The following GAS7 variants were observed in gnomAD, a reference collection of about 807,000 sequenced individuals.
GAS7 encodes growth arrest-specific protein 7.
In GAS7, 28 loss-of-function variants were observed where a neutral mutation model predicts 71.1. The ratio of observed to expected loss-of-function variants is 0.39; its 90% CI spans 0.29 to 0.54. GAS7 has a LOEUF of 0.54. GAS7 is among the 20% of genes least tolerant of loss of function. GAS7 has a pLI of 0.62. For synonymous variants in GAS7, 258 were observed against 245.8 expected, an observed-to-expected ratio of 1.05 and a Z score of -0.46; for missense variants, 436 against 627.8, an observed-to-expected ratio of 0.69 and a Z score of 3.27.
intron 1 of GAS7, among the ~76,000 whole-genome samples, chr17:10,072,487 G>A (rs1362382111): frequency 6.6e-6 from 1 of 152,172 alleles, no homozygotes; most frequent in African/African-American, 2.4e-5. Context: ...CAAAGCTCCT[G>A]AAGGCCAAGA....
At chr17:10,162,479 T>G (rs1234285769) in intron 1 of GAS7, among the ~76,000 whole-genome samples, 1 of 152,220 alleles carries the variant, frequency 6.6e-6, no homozygotes, top group Admixed American at 6.5e-5. Flanking sequence ...GGGGAGCTTG[T>G]ATCTTTTGAT....
intron 1 of GAS7, among the ~76,000 whole-genome samples, chr17:10,115,394 AGGGTGGG>A (rs1049016007): frequency 2.0e-5 from 3 of 152,168 alleles, no homozygotes; most frequent in African/African-American, 7.2e-5. Flanking sequence ...AGTCTGAAGG[AGGGTGGG>A]GGGCAAAGTG....
At chr17:9,994,314 T>A (rs1244297377) in intron 2 of GAS7, among the ~76,000 whole-genome samples, 1 of 149,336 alleles carries the variant, frequency 6.7e-6, no homozygotes, top group South Asian at 2.1e-4. Context: ...AACAGCATGG[T>A]ACTGGTACCA....
At chr17:10,172,192 G>A (rs1271214461) in intron 1 of GAS7, among the ~76,000 whole-genome samples, 1 of 152,160 alleles carries the variant, frequency 6.6e-6, no homozygotes, top group Non-Finnish European at 1.5e-5. Flanking sequence ...AAAGCTATGT[G>A]TAAAAGAAGT....
rs190772166 is a variant in GAS7 at position 9,913,660 on chromosome 17, G to A, written c.*3568C>T. 1.1e-4 allele frequency: 25 copies of A among 231,026 alleles called. No individual in the cohort carries two copies. The highest frequency in any genetic ancestry group is 5.1e-4 in the African/African-American group (23 of 45,290). The allele number at this position is 231,026 out of a possible 1,614,324, so 14.3% of individuals were successfully genotyped here. A position where few individuals can be genotyped will look rare whatever the true frequency, so the allele number is the denominator to read the frequency against. On this transcript the variant is annotated 3_prime_UTR_variant, in exon 14 of 14. Transcript: ENST00000432992. ...GCCAACAGGGTGCTGAGTGGAGGTA[G>A]AAAGGAGGCCCAGGGTGGTCCCACT...
intron 1 of GAS7, among the ~76,000 whole-genome samples, chr17:10,039,419 C>T (rs569542884): frequency 7.9e-5 from 12 of 152,146 alleles, no homozygotes; most frequent in African/African-American, 1.9e-4. Context: ...CGGTGGCTCA[C>T]GTCTGTAATC....
chr17:10,168,291 A>G (rs34748879), intron 1 of GAS7, among the ~76,000 whole-genome samples: 15,034 of 152,254 alleles, frequency 0.099, 853 homozygotes, highest in Non-Finnish European at 0.12. Flanking sequence ...TGAGAAAAAA[A>G]AGAAGTTAAG....
intron 1 of GAS7, among the ~76,000 whole-genome samples, chr17:10,071,234 C>T (rs926433963): frequency 3.9e-5 from 6 of 152,176 alleles, no homozygotes; most frequent in East Asian, 3.9e-4. Flanking sequence ...GTTTGAGTCC[C>T]GACTCCACCA....
At chr17:10,031,366 A>G in intron 1 of GAS7, among the ~76,000 whole-genome samples, 1 of 152,246 alleles carries the variant, frequency 6.6e-6, no homozygotes, top group East Asian at 1.9e-4. Flanking sequence ...GCAAGGATAC[A>G]GGAAGTTCAC....
intron 2 of GAS7, among the ~76,000 whole-genome samples, chr17:10,005,074 C>T (rs895858374): frequency 2.2e-5 from 3 of 133,412 alleles, no homozygotes; most frequent in Admixed American, 7.3e-5. Context: ...TGTATGCACG[C>T]ATACATGCGT....
At chr17:10,025,243 A>AAATT (rs908322719) in intron 1 of GAS7, among the ~76,000 whole-genome samples, 6 of 151,978 alleles carry the variant, frequency 3.9e-5, no homozygotes, top group East Asian at 1.9e-4. Context: ...TCTCTACACA[A>AAATT]AATTAATTAA....
chr17:9,952,688 C>T (rs34585769), intron 5 of GAS7, among the ~76,000 whole-genome samples: 3 of 152,062 alleles, frequency 2.0e-5, no homozygotes, highest in Admixed American at 6.6e-5. Flanking sequence ...TCACCGCGCC[C>T]GGCCCAGACA....
Position 9,959,500 on chromosome 17 carries a change from C to A in GAS7, c.472-245G>T. Reference sequence around the variant, plus strand: ...TGCACAGGCTCTGAGAGAACTGCTCCAAACCAGGTCTCCCCTCCTCTTCTC... The same window carrying A: ...TGCACAGGCTCTGAGAGAACTGCTCAAAACCAGGTCTCCCCTCCTCTTCTC... On this transcript the variant is annotated intron_variant, in intron 4 of 13. Transcript: ENST00000432992. The surrounding 1 kb of genome is among the most constrained non-coding windows in gnomAD (Gnocchi z 5.0). The A allele has an allele frequency of 7.5e-7, 1 of 1,342,238 alleles. No individual in the cohort carries two copies. Among genetic ancestry groups the A allele is most frequent in the Non-Finnish European group, 9.7e-7 (1 of 1,035,348 alleles). The allele number at this position is 1,342,238 out of a possible 1,614,324, so 83.1% of individuals were successfully genotyped here.
chr17:10,010,249 A>C (rs146587146), intron 2 of GAS7, among the ~76,000 whole-genome samples: 1,540 of 151,644 alleles, frequency 0.01, 19 homozygotes, highest in African/African-American at 0.031. Context: ...TCCTGGGTTC[A>C]CGCCATTCTC....
intron 2 of GAS7, among the ~76,000 whole-genome samples, chr17:9,986,768 A>T (rs9899487): frequency 1.3e-5 from 2 of 152,132 alleles, no homozygotes; most frequent in East Asian, 3.9e-4. Context: ...AATGGGCCCC[A>T]TCAGGGACGA....
At position 9,926,661 on chromosome 17, in the gene GAS7, G is replaced by A. The variant is rs745653138; in HGVS notation, c.994C>T (p.Arg332Cys). 12 of 1,613,614 alleles carry A rather than the reference G, an allele frequency of 7.4e-6. No individual in the cohort carries two copies. The highest frequency in any genetic ancestry group is 5.3e-5 in the African/African-American group (4 of 74,942). The change falls in exon 10 of 14, where the codon CGC (arginine) becomes TGC (cysteine). Residue 332 changes from arginine (R) to cysteine (C), a missense_variant. Arg to Cys is a radical substitution (Grantham distance 180). Coordinates refer to ENST00000432992, the MANE Select transcript of GAS7 (RefSeq NM_201433.2). The surrounding 1 kb of genome is among the most constrained non-coding windows in gnomAD (Gnocchi z 5.0). ...CTCACCTTCTCCACCGAGGCATAGC[G>A]GCTGGCGAGCTGCTTGCGAAGGTCG... ...IADLRKQLASRYASVEKARKA... is the reference protein window; with the variant it reads ...IADLRKQLASCYASVEKARKA...
rs539121612 is a variant in GAS7, at chr17:9,911,181, C to T, written c.*6047G>A. On this transcript the variant is annotated 3_prime_UTR_variant, in exon 14 of 14. Transcript: ENST00000432992. This position sits in a 1 kb window ranked among gnomAD's most constrained non-coding sequence, Gnocchi z 4.0. ...GCCTGGAACCCACGACTCCCGAGAGCCCGTCTGCTGCAGGTGATGCTGGAA... is the reference window on the plus strand; with the variant it reads ...GCCTGGAACCCACGACTCCCGAGAGTCCGTCTGCTGCAGGTGATGCTGGAA... The T allele has an allele frequency of 5.1e-5, 12 of 233,324 alleles. No homozygotes were observed. Among genetic ancestry groups the T allele is most frequent in the East Asian group, 2.4e-4 (4 of 16,578 alleles). 14.5% of individuals were successfully genotyped at this position (233,324 alleles called of 1,614,324 possible).
chr17:10,167,079 C>G (rs1184075555), intron 1 of GAS7, among the ~76,000 whole-genome samples: 8 of 56,988 alleles, frequency 1.4e-4, no homozygotes, highest in African/African-American at 6.9e-4. Context: ...TTTTTTGAGA[C>G]AGAGTTTCAC....
At chr17:10,013,980 G>A (rs532229720) in intron 2 of GAS7, among the ~76,000 whole-genome samples, 24 of 152,176 alleles carry the variant, frequency 1.6e-4, no homozygotes, top group East Asian at 1.5e-3. Context: ...TGGTCACTGC[G>A]CAACAGTGGC....
Sources: allele counts gnomAD v4.1 joint callset (sites outside exome capture counted in the v4.1 genomes callset), GRCh38; gene constraint gnomAD v4.1.1; non-coding constraint Gnocchi (gnomAD v3.1); transcripts MANE v1.5; gene names NCBI Gene and HGNC (gene_info 2026-07-23, HGNC 2026-07-21).